The following CAP2 variants were observed in gnomAD, a reference collection of about 807,000 sequenced individuals.
CAP2 encodes the protein cyclase associated actin cytoskeleton regulatory protein 2, also known as adenylyl cyclase-associated protein 2.
Under a neutral mutation model 57.7 loss-of-function variants are expected in CAP2, and 24 were observed. The ratio of observed to expected loss-of-function variants is 0.42; its 90% CI spans 0.30 to 0.58. CAP2 has a LOEUF of 0.58. Ranked by LOEUF, CAP2 falls within the 20% of genes least tolerant of loss-of-function variation. The probability of loss-of-function intolerance (pLI) is 0.22; values close to 1 mark genes in which losing one functional copy is unlikely to be tolerated. For synonymous variants in CAP2, 194 were observed against 207.2 expected, an observed-to-expected ratio of 0.94 and a Z score of 0.55; for missense variants, 501 against 590.3, an observed-to-expected ratio of 0.85 and a Z score of 1.57.
chr6:17,555,007 C>G (rs1347561633), intron 12 of CAP2, among the ~76,000 whole-genome samples: 1 of 152,084 alleles, frequency 6.6e-6, no homozygotes, highest in Admixed American at 6.6e-5. Flanking sequence ...TGTATATAAC[C>G]CTAGGCTCAT....
intron 3 of CAP2, among the ~76,000 whole-genome samples, chr6:17,455,556 G>A (rs908250194): frequency 6.7e-5 from 10 of 148,310 alleles, no homozygotes; most frequent in South Asian, 2.1e-4. Flanking sequence ...TTTTTTTTGA[G>A]ACAGAGTCTC....
chr6:17,432,869 C>A (rs2113548659), intron 3 of CAP2, among the ~76,000 whole-genome samples: 1 of 148,522 alleles, frequency 6.7e-6, no homozygotes, highest in East Asian at 2.0e-4. Context: ...CTCTTTTTGT[C>A]TTCCTCCCTT....
chr6:17,547,463 GA>G (rs533709560), intron 11 of CAP2, among the ~76,000 whole-genome samples: 6 of 150,216 alleles, frequency 4.0e-5, no homozygotes, highest in East Asian at 1.9e-4. Context: ...AAGACGCATA[GA>G]AAAAAAAAGA....
intron 4 of CAP2, among the ~76,000 whole-genome samples, chr6:17,482,867 A>G (rs1761326159): frequency 6.6e-6 from 1 of 152,172 alleles, no homozygotes; most frequent in South Asian, 2.1e-4. Flanking sequence ...ACATCATCAT[A>G]TGAATTAGTG....
At chr6:17,477,257 TA>T (rs1375112884) in intron 4 of CAP2, among the ~76,000 whole-genome samples, 2 of 152,242 alleles carry the variant, frequency 1.3e-5, no homozygotes, top group African/African-American at 4.8e-5. Flanking sequence ...AGCAAGGCAG[TA>T]ATGAAAAGAG....
intron 4 of CAP2, among the ~76,000 whole-genome samples, chr6:17,471,598 C>A (rs974282660): frequency 6.6e-6 from 1 of 152,004 alleles, no homozygotes; most frequent in Non-Finnish European, 1.5e-5. Flanking sequence ...TTTGGGAGTC[C>A]GAGGCGGGCG....
intron 7 of CAP2, among the ~76,000 whole-genome samples, chr6:17,535,206 C>T (rs1181783257): frequency 2.6e-5 from 4 of 151,946 alleles, no homozygotes; most frequent in African/African-American, 7.3e-5. Flanking sequence ...TTATTCTAGC[C>T]GGAGGCCCAC....
chr6:17,486,182 AAAAAATACGTTAAAC>A (rs1761415161), intron 4 of CAP2, among the ~76,000 whole-genome samples: 1 of 152,078 alleles, frequency 6.6e-6, no homozygotes, highest in South Asian at 2.1e-4. Flanking sequence ...CCATCTCTCA[AAAAAATACGTTAAAC>A]AAACCAATGA....
At chr6:17,420,144 A>G (rs1245875538) in intron 1 of CAP2, among the ~76,000 whole-genome samples, 3 of 152,120 alleles carry the variant, frequency 2.0e-5, no homozygotes, top group Non-Finnish European at 4.4e-5. Context: ...TGCTGGGATT[A>G]CAGGCGTGAG....
intron 4 of CAP2, among the ~76,000 whole-genome samples, chr6:17,486,204 A>G (rs1429850388): frequency 6.6e-6 from 1 of 152,160 alleles, no homozygotes; most frequent in Admixed American, 6.5e-5. Context: ...AAACAAACCA[A>G]TGAGATAGAA....
At chr6:17,511,561 C>T (rs911619880) in intron 6 of CAP2, among the ~76,000 whole-genome samples, 1 of 152,148 alleles carries the variant, frequency 6.6e-6, no homozygotes, top group Non-Finnish European at 1.5e-5. Flanking sequence ...AAGCAGTTCT[C>T]CTGCCTCAGC....
chr6:17,419,127 C>A (rs1284651063), intron 1 of CAP2, among the ~76,000 whole-genome samples: 2 of 152,192 alleles, frequency 1.3e-5, no homozygotes, highest in East Asian at 3.8e-4. Flanking sequence ...CAGAGCTATA[C>A]AAGTTTTGAT....
Position 17,480,921 on chromosome 6 carries a change from G to C in CAP2, c.300+17848G>C, listed in dbSNP as rs148158457. Among the ~76,000 whole-genome samples the C allele has an allele frequency of 4.4e-3, 647 of 148,224 alleles. 5 individuals carry two copies. The highest frequency in any genetic ancestry group is 0.015 in the African/African-American group (607 of 40,272). On this transcript the variant is annotated intron_variant, in intron 4 of 12. Transcript: ENST00000229922. ...TCCTGCCTGAGTAGCTGGGATTACAGGTGCACACCACCACACCTGGCTAAT... is the reference window on the plus strand; with the variant it reads ...TCCTGCCTGAGTAGCTGGGATTACACGTGCACACCACCACACCTGGCTAAT...
intron 4 of CAP2, among the ~76,000 whole-genome samples, chr6:17,487,356 A>T (rs188881057): frequency 6.6e-6 from 1 of 152,114 alleles, no homozygotes; most frequent in Non-Finnish European, 1.5e-5. Context: ...TAAACTTCCA[A>T]CTAGGCCACT....
intron 3 of CAP2, among the ~76,000 whole-genome samples, chr6:17,434,515 C>T (rs1201405060): frequency 6.6e-6 from 1 of 152,184 alleles, no homozygotes; most frequent in Non-Finnish European, 1.5e-5. Context: ...AGGCGTGAGC[C>T]ACTGCACCTG....
intron 1 of CAP2, among the ~76,000 whole-genome samples, chr6:17,406,550 C>T (rs567708779): frequency 3.9e-5 from 6 of 152,062 alleles, no homozygotes; most frequent in African/African-American, 7.2e-5. Flanking sequence ...CATGCCACCA[C>T]GCCTGGCTAA....
chr6:17,444,518 G>A (rs574103744), intron 3 of CAP2, among the ~76,000 whole-genome samples: 1 of 151,694 alleles, frequency 6.6e-6, no homozygotes, highest in South Asian at 2.1e-4. Flanking sequence ...GCTAGGACCT[G>A]TAGACCCAGC....
chr6:17,488,786 C>T (rs963371188), intron 4 of CAP2, among the ~76,000 whole-genome samples: 3 of 152,202 alleles, frequency 2.0e-5, no homozygotes, highest in Non-Finnish European at 4.4e-5. Context: ...AAAGTTTGCA[C>T]GCGAAGTTAG....
intron 3 of CAP2, among the ~76,000 whole-genome samples, chr6:17,432,321 C>CA (rs1263714311): frequency 1.3e-5 from 2 of 152,120 alleles, no homozygotes; most frequent in African/African-American, 4.8e-5. Context: ...ATCCCCATCC[C>CA]AAAAAATCTT....
Sources: gnomAD v4.1 joint callset for allele counts (sites outside exome capture counted in the v4.1 genomes callset) on GRCh38, gnomAD v4.1.1 for gene constraint, MANE v1.5 for transcripts, NCBI Gene and HGNC (gene_info 2026-07-23, HGNC 2026-07-21) for gene names.